Variants in DNM3 observed in about 807,000 individuals in gnomAD.
DNM3 encodes dynamin 3, also known as dynamin-3.
A neutral mutation model predicts 101.6 loss-of-function variants in DNM3; 47 were observed. That is an observed-to-expected ratio of 0.46 (90% CI 0.37 to 0.59). DNM3 has a LOEUF of 0.59. Among genes scored for constraint, DNM3 ranks in the 20% least tolerant of loss-of-function variants. The pLI is 0.00. For missense variants in DNM3, 849 were observed against 1,085.7 expected, an observed-to-expected ratio of 0.78 and a Z score of 3.06; for synonymous variants, 385 against 387.9, an observed-to-expected ratio of 0.99 and a Z score of 0.09.
intron 12 of DNM3, among the ~76,000 whole-genome samples, chr1:172,082,308 T>C (rs2053214708): frequency 6.6e-6 from 1 of 151,078 alleles, no homozygotes; most frequent in Admixed American, 6.6e-5. Flanking sequence ...CTTTTCTAAG[T>C]CAGAATCTAG....
chr1:172,354,641 A>G (rs558645323), intron 17 of DNM3, among the ~76,000 whole-genome samples: 1 of 152,294 alleles, frequency 6.6e-6, no homozygotes, highest in South Asian at 2.1e-4. Flanking sequence ...TAGGAATATT[A>G]AGGACAATGT....
intron 20 of DNM3, among the ~76,000 whole-genome samples, chr1:172,395,745 G>A (rs945931141): frequency 8.5e-5 from 13 of 152,128 alleles, no homozygotes; most frequent in Admixed American, 3.9e-4. Context: ...AAGTGTTGTC[G>A]GGGGGAACCC....
intron 2 of DNM3, among the ~76,000 whole-genome samples, chr1:171,938,113 A>C (rs1428478318): frequency 6.6e-6 from 1 of 151,964 alleles, no homozygotes; most frequent in Non-Finnish European, 1.5e-5. Context: ...ATAGAAGTCT[A>C]AGCACAGTGC....
At chr1:172,027,117 A>G (rs2048259592) in intron 4 of DNM3, among the ~76,000 whole-genome samples, 1 of 152,186 alleles carries the variant, frequency 6.6e-6, no homozygotes, top group Non-Finnish European at 1.5e-5. Context: ...GGAAAGGAAC[A>G]ACTGATACCA....
At chr1:171,937,081 T>C (rs1283404889) in intron 2 of DNM3, among the ~76,000 whole-genome samples, 1 of 152,244 alleles carries the variant, frequency 6.6e-6, no homozygotes, top group Non-Finnish European at 1.5e-5. Flanking sequence ...TCTTGATTTC[T>C]GTACAATGTC....
At chr1:171,975,102 A>G (rs6662263) in intron 2 of DNM3, among the ~76,000 whole-genome samples, 120,733 of 151,950 alleles carry the variant, frequency 0.79, 47,989 homozygotes, top group Middle Eastern at 0.86. Context: ...AGTGATCCTC[A>G]TGTCTTGGCC....
At chr1:172,018,406 G>T (rs1422845703) in intron 4 of DNM3, among the ~76,000 whole-genome samples, 3 of 152,052 alleles carry the variant, frequency 2.0e-5, no homozygotes, top group Non-Finnish European at 4.4e-5. Context: ...TCTAGAATTT[G>T]CTATATACAT....
At chr1:172,103,625 A>G (rs2054808857) in intron 13 of DNM3, among the ~76,000 whole-genome samples, 1 of 152,194 alleles carries the variant, frequency 6.6e-6, no homozygotes, top group South Asian at 2.1e-4. Context: ...AATCCCCAGT[A>G]CTGGATAATT....
At chr1:172,318,734 AAG>A (rs2065530249) in intron 16 of DNM3, among the ~76,000 whole-genome samples, 2 of 152,204 alleles carry the variant, frequency 1.3e-5, no homozygotes, top group Admixed American at 6.5e-5. Flanking sequence ...AATGAAATAA[AAG>A]AGGACACAAA....
chr1:172,183,767 ATTTTTTTTTT>A (rs376245976), intron 14 of DNM3, among the ~76,000 whole-genome samples: 19 of 62,656 alleles, frequency 3.0e-4, no homozygotes, highest in African/African-American at 5.0e-4. Context: ...TGCCCAGCTA[ATTTTTTTTTT>A]TTTTTTTTTT....
intron 2 of DNM3, 73 bp from the exon 3 acceptor site, chr1:171,987,577 CTTATAA>C: frequency 7.2e-7 from 1 of 1,388,590 alleles, no homozygotes; most frequent in Non-Finnish European, 9.6e-7. Flanking sequence ...GATACTTTGA[CTTATAA>C]TTAAAGAAAC....
rs1326495644 is a variant in DNM3 at position 171,875,993 on chromosome 1, T to A, written c.161+34176T>A. 3.3e-5 allele frequency among the ~76,000 whole-genome samples: 5 copies of A among 152,080 alleles called. No homozygotes were observed. In the East Asian group the frequency reaches 9.7e-4, roughly 29 times the overall value. ...GCCCAGCTAATTTTTGTATTTTTAG[T>A]AGAGACGGAGTTTTACCATGTTGTC... is the stretch of plus-strand genomic sequence containing the variant. On this transcript the variant is annotated intron_variant, in intron 1 of 20. Coordinates refer to ENST00000627582, the MANE Select transcript of DNM3 (RefSeq NM_015569.5).
chr1:172,023,726 A>G (rs989525573), intron 4 of DNM3, among the ~76,000 whole-genome samples: 15 of 152,030 alleles, frequency 9.9e-5, no homozygotes, highest in African/African-American at 3.6e-4. Context: ...TACTTATAGG[A>G]CATTTTCTTG....
chr1:172,385,560 T>C (rs2069136425), intron 18 of DNM3, among the ~76,000 whole-genome samples: 1 of 152,362 alleles, frequency 6.6e-6, no homozygotes, highest in East Asian at 1.9e-4. Flanking sequence ...CAGAAAACAC[T>C]TTATTTCACC....
intron 14 of DNM3, chr1:172,142,287 T>C (rs2057625078): frequency 6.6e-6 from 1 of 152,076 alleles, no homozygotes; most frequent in Admixed American, 6.6e-5. Flanking sequence ...TACCTGGATA[T>C]AGATATGGCT....
At chr1:172,061,535 C>T (rs1368606818) in intron 10 of DNM3, among the ~76,000 whole-genome samples, 1 of 151,538 alleles carries the variant, frequency 6.6e-6, no homozygotes, top group Non-Finnish European at 1.5e-5. Context: ...ATGATGAGTT[C>T]GTGTCCTTTG....
At chr1:172,183,176 C>T (rs909582836) in intron 14 of DNM3, among the ~76,000 whole-genome samples, 1 of 152,042 alleles carries the variant, frequency 6.6e-6, no homozygotes, top group African/African-American at 2.4e-5. Context: ...TATGCACATA[C>T]AGCACCATCT....
intron 17 of DNM3, among the ~76,000 whole-genome samples, chr1:172,333,563 T>C (rs2066284837): frequency 6.6e-6 from 1 of 152,206 alleles, no homozygotes; most frequent in Non-Finnish European, 1.5e-5. Context: ...CTTAAAACTG[T>C]AGTTGTTTCT....
At chr1:172,252,397 T>A (rs1302055258) in intron 14 of DNM3, among the ~76,000 whole-genome samples, 1 of 152,186 alleles carries the variant, frequency 6.6e-6, no homozygotes, top group African/African-American at 2.4e-5. Context: ...AGCTCTATGC[T>A]ATGCAGCTGA....
Sources: allele counts gnomAD v4.1 joint callset (sites outside exome capture counted in the v4.1 genomes callset), GRCh38; gene constraint gnomAD v4.1.1; transcripts MANE v1.5; gene names NCBI Gene and HGNC (gene_info 2026-07-23, HGNC 2026-07-21).